Variants in IL2RA observed in about 807,000 individuals in gnomAD.
IL2RA encodes interleukin-2 receptor subunit alpha.
IL2RA carries 24 observed loss-of-function variants against 37.8 expected under a neutral mutation model. The observed-to-expected ratio is 0.63, with a 90% CI of 0.46 to 0.89. IL2RA has a LOEUF of 0.89. IL2RA is among the 40% of genes least tolerant of loss of function. The probability of loss-of-function intolerance (pLI) is 0.00; values close to 1 mark genes in which losing one functional copy is unlikely to be tolerated. For synonymous variants in IL2RA, 125 were observed against 114.6 expected (o/e 1.09, Z -0.58); for missense variants, 319 against 348.6 (o/e 0.92, Z 0.68).
In IL2RA at chr10:6,020,329, C is replaced by T. The variant is rs1054418614; in HGVS notation, c.584-388G>A. ...GGGACAGCTGCTTCTGTGCCAGGCTCTCCACTTCTCCTGAGGGGTCAGCAA... is the reference window on the plus strand; with the variant it reads ...GGGACAGCTGCTTCTGTGCCAGGCTTTCCACTTCTCCTGAGGGGTCAGCAA... On this transcript the variant is annotated intron_variant, in intron 4 of 7. Coordinates refer to ENST00000379959, the MANE Select transcript of IL2RA (RefSeq NM_000417.3). The surrounding 1 kb of genome is among the most constrained non-coding windows in gnomAD (Gnocchi z 5.6). Among the ~76,000 whole-genome samples the T allele has an allele frequency of 5.9e-5, 9 of 152,198 alleles. No individual in the cohort carries two copies. Among genetic ancestry groups the T allele is most frequent in the Admixed American group, 1.3e-4 (2 of 15,286 alleles).
intron 1 of IL2RA, among the ~76,000 whole-genome samples, chr10:6,038,537 G>A (rs1356887437): frequency 6.6e-6 from 1 of 152,184 alleles, no homozygotes; most frequent in Admixed American, 6.5e-5. Context: ...GATTAAGTAA[G>A]TTGGCTAAAC....
In IL2RA at chr10:6,033,764, A is replaced by C. The variant is rs1839638287; in HGVS notation, c.65-7739T>G. 6.6e-6 allele frequency among the ~76,000 whole-genome samples: 1 copy of C among 152,262 alleles called. No homozygotes were observed. Among genetic ancestry groups the C allele is most frequent in the Non-Finnish European group, 1.5e-5 (1 of 68,040 alleles). On this transcript the variant is annotated intron_variant, in intron 1 of 7. Coordinates refer to ENST00000379959, the MANE Select transcript of IL2RA (RefSeq NM_000417.3). This position sits in a 1 kb window ranked among gnomAD's most constrained non-coding sequence, Gnocchi z 4.3. ...AAAGTTATATCCAGAGATAGAAAGC[A>C]GACAGTGGTTTCTTGTGGTAGGTGG...
At chr10:6,053,183 G>A (rs1839991559) in intron 1 of IL2RA, among the ~76,000 whole-genome samples, 1 of 152,168 alleles carries the variant, frequency 6.6e-6, no homozygotes, top group African/African-American at 2.4e-5. Context: ...TAGACAGGAG[G>A]AAAAAAGGCA....
intron 1 of IL2RA, among the ~76,000 whole-genome samples, chr10:6,053,272 G>T (rs1321097600): frequency 6.6e-6 from 1 of 152,116 alleles, no homozygotes; most frequent in African/African-American, 2.4e-5. Context: ...TTTAATCTCT[G>T]TAAGCCCATT....
rs1839306447 is a variant in IL2RA at position 6,017,979 on chromosome 10, A to G, written c.794+74T>C. ...TGATTAGAGAGAGCATGGAGGGGGT[A>G]GGGGGGAGGCAGGGTGGGGCTGGGT... On this transcript the variant is annotated intron_variant, in intron 7 of 7. Transcript: ENST00000379959. The G allele has an allele frequency of 2.9e-6, 3 of 1,051,728 alleles. No homozygotes were observed. The South Asian group carries it at 4.0e-5, about 14-fold the overall frequency. 65.1% of individuals were successfully genotyped at this position (1,051,728 alleles called of 1,614,324 possible).
rs917285794 is a variant in IL2RA at position 6,033,328 on chromosome 10, A to G, written c.65-7303T>C. On this transcript the variant is annotated intron_variant, in intron 1 of 7. Transcript: ENST00000379959. The surrounding 1 kb of genome is among the most constrained non-coding windows in gnomAD (Gnocchi z 4.3). ...AGAAACAAACAAACAACAACAAAAA[A>G]AAAACAAAAAAAGAAAGTATTTTTA... 6.6e-6 allele frequency among the ~76,000 whole-genome samples: 1 copy of G among 152,162 alleles called. No homozygotes were observed. Among genetic ancestry groups the G allele is most frequent in the Non-Finnish European group, 1.5e-5 (1 of 68,030 alleles).
intron 1 of IL2RA, among the ~76,000 whole-genome samples, chr10:6,053,939 T>C (rs1391288163): frequency 1.3e-5 from 2 of 152,192 alleles, no homozygotes; most frequent in African/African-American, 4.8e-5. Flanking sequence ...CGGGGGGACA[T>C]GGGCCAGCGA....
intron 1 of IL2RA, among the ~76,000 whole-genome samples, chr10:6,031,607 T>G (rs1839595467): frequency 2.7e-5 from 4 of 149,306 alleles, no homozygotes; most frequent in Admixed American, 2.0e-4. Context: ...GTATTTACAA[T>G]TACATCAAAA....
intron 1 of IL2RA, among the ~76,000 whole-genome samples, chr10:6,040,073 C>T (rs548944476): frequency 5.3e-4 from 81 of 152,246 alleles, no homozygotes; most frequent in Admixed American, 8.5e-4. Flanking sequence ...AAGCATGAAT[C>T]GTGAGGGTAT....
At chr10:6,059,180 T>G (rs1264210549) in intron 1 of IL2RA, among the ~76,000 whole-genome samples, 1 of 152,220 alleles carries the variant, frequency 6.6e-6, no homozygotes, top group Non-Finnish European at 1.5e-5. Context: ...GGTCCTCATT[T>G]GCCTTGTGAT....
chr10:6,026,453 CTG>C (rs750817001), intron 1 of IL2RA, among the ~76,000 whole-genome samples: 8 of 152,224 alleles, frequency 5.3e-5, no homozygotes, highest in Non-Finnish European at 1.2e-4. Context: ...TAATTAATGA[CTG>C]TGCGCCATTT....
chr10:6,055,181 A>G (rs1303042327), intron 1 of IL2RA, among the ~76,000 whole-genome samples: 1 of 152,214 alleles, frequency 6.6e-6, no homozygotes, highest in African/African-American at 2.4e-5. Flanking sequence ...TTGCTCCGTG[A>G]CAAGATCCCT....
intron 1 of IL2RA, among the ~76,000 whole-genome samples, chr10:6,055,351 G>T (rs1469086181): frequency 6.6e-6 from 1 of 151,934 alleles, no homozygotes; most frequent in African/African-American, 2.4e-5. Flanking sequence ...GGAAGGGAAG[G>T]TATTGTGATG....
chr10:6,057,682 T>A lies in IL2RA; in HGVS notation c.64+4406A>T, dbSNP rs561249533. On this transcript the variant is annotated intron_variant, in intron 1 of 7. Transcript: ENST00000379959. The surrounding 1 kb of genome is among the most constrained non-coding windows in gnomAD (Gnocchi z 4.8). ...CTGTGACCTCAAGCAACATGCCTCA[T>A]TTCCTGAGGGAATTCTCTCTTTTTC... 4.6e-5 allele frequency among the ~76,000 whole-genome samples: 7 copies of A among 152,314 alleles called. No homozygotes were observed. Among genetic ancestry groups the A allele is most frequent in the Admixed American group, 4.6e-4 (7 of 15,300 alleles).
chr10:6,028,768 C>T lies in IL2RA; in HGVS notation c.65-2743G>A, dbSNP rs1383001622. The stretch of plus-strand genomic sequence containing the variant: ...ATCCCAGCACTTTGGGGCGACAAGG[C>T]AGGCGGATCATCTGAGGTCAGGAGT... On this transcript the variant is annotated intron_variant, in intron 1 of 7. Transcript: ENST00000379959. The surrounding 1 kb of genome is among the most constrained non-coding windows in gnomAD (Gnocchi z 4.1). Among the ~76,000 whole-genome samples, 2 of 152,146 alleles carry T rather than the reference C, an allele frequency of 1.3e-5. No homozygotes were observed. The highest frequency in any genetic ancestry group is 4.8e-5 in the African/African-American group (2 of 41,428).
Position 6,058,465 on chromosome 10 carries a change from A to G in IL2RA, c.64+3623T>C, listed in dbSNP as rs144229910. ...GCTCCCAATGTTTAGGAAAGCCCTT[A>G]CAGCCTCAAGACATGTCTTGAAGAT... On this transcript the variant is annotated intron_variant, in intron 1 of 7. Coordinates refer to ENST00000379959, the MANE Select transcript of IL2RA (RefSeq NM_000417.3). This position sits in a 1 kb window ranked among gnomAD's most constrained non-coding sequence, Gnocchi z 4.2. Among the ~76,000 whole-genome samples the G allele has an allele frequency of 6.5e-4, 99 of 152,328 alleles. No individual in the cohort carries two copies. Among genetic ancestry groups the G allele is most frequent in the Admixed American group, 1.1e-3 (17 of 15,304 alleles).
rs1839214511 is a variant in IL2RA, at chr10:6,012,991, G to A, written c.795-95C>T. On this transcript the variant is annotated intron_variant, in intron 7 of 7. Transcript: ENST00000379959. The surrounding 1 kb of genome is among the most constrained non-coding windows in gnomAD (Gnocchi z 4.8). ...AACCAGTGCACACGCCACCATGCCT[G>A]GCTAATTTTTGTATTTTTAGTAGAG... 8 of 1,190,764 alleles carry A rather than the reference G, an allele frequency of 6.7e-6. No homozygotes were observed. The South Asian group carries it at 9.7e-5, about 14-fold the overall frequency. The allele number at this position is 1,190,764 out of a possible 1,614,324, so 73.8% of individuals were successfully genotyped here.
rs12722622 is a variant in IL2RA, at chr10:6,058,176, G to A, written c.64+3912C>T. On this transcript the variant is annotated intron_variant, in intron 1 of 7. Transcript: ENST00000379959. The surrounding 1 kb of genome is among the most constrained non-coding windows in gnomAD (Gnocchi z 4.2). ...CAAAGAGGTATTCAGAATACCCAAGGCTTTAGGCAAAAACCAGTCTGGGAA... is the reference window on the plus strand; with the variant it reads ...CAAAGAGGTATTCAGAATACCCAAGACTTTAGGCAAAAACCAGTCTGGGAA... 0.034 allele frequency among the ~76,000 whole-genome samples: 5,249 copies of A among 152,176 alleles called. 337 individuals carry two copies. Among genetic ancestry groups the A allele is most frequent in the African/African-American group, 0.12 (5,012 of 41,496 alleles).
chr10:6,019,091 T>C (rs1281415871), intron 6 of IL2RA, among the ~76,000 whole-genome samples: 1 of 147,534 alleles, frequency 6.8e-6, no homozygotes, highest in African/African-American at 2.5e-5. Flanking sequence ...TATCAACTTA[T>C]CAACCAACCC....
Sources: allele counts gnomAD v4.1 joint callset (sites outside exome capture counted in the v4.1 genomes callset), GRCh38; gene constraint gnomAD v4.1.1; non-coding constraint Gnocchi (gnomAD v3.1); transcripts MANE v1.5; gene names NCBI Gene and HGNC (gene_info 2026-07-23, HGNC 2026-07-21).